Variants in FMN1 observed in about 807,000 individuals in gnomAD.
The protein encoded by FMN1 is formin 1.
Under a neutral mutation model 132.4 loss-of-function variants are expected in FMN1, and 110 were observed. The observed-to-expected ratio is 0.83, with a 90% CI of 0.71 to 0.97. The LOEUF (loss-of-function observed/expected upper bound fraction) is 0.97. Among genes scored for constraint, FMN1 ranks in the 50% least tolerant of loss-of-function variants. The probability of loss-of-function intolerance (pLI) is 0.00; values close to 1 mark genes in which losing one functional copy is unlikely to be tolerated. For missense variants in FMN1, 1,792 were observed against 1,705.3 expected, an observed-to-expected ratio of 1.05 and a Z score of -0.90; for synonymous variants, 722 against 651.7, an observed-to-expected ratio of 1.11 and a Z score of -1.64.
At chr15:32,941,964 G>C (rs1179944855) in intron 9 of FMN1, among the ~76,000 whole-genome samples, 1 of 152,224 alleles carries the variant, frequency 6.6e-6, no homozygotes, top group Non-Finnish European at 1.5e-5. Context: ...TATAATTACA[G>C]TCTGGAGGAG....
intron 4 of FMN1, among the ~76,000 whole-genome samples, chr15:33,098,319 T>C (rs944441318): frequency 2.6e-5 from 4 of 152,334 alleles, no homozygotes; most frequent in Middle Eastern, 3.4e-3. Context: ...GCATAACTGA[T>C]GCATGATTAA....
At chr15:32,989,624 G>C (rs533940400) in intron 7 of FMN1, among the ~76,000 whole-genome samples, 101 of 152,238 alleles carry the variant, frequency 6.6e-4, no homozygotes, top group Non-Finnish European at 1.1e-3. Context: ...TCAAGACTTT[G>C]AACTTAACTT....
Position 33,154,712 on chromosome 15 carries a change from T to C in FMN1, c.203A>G (p.Glu68Gly). ...CTTGAAAAATATGTCGCCTGGATGTTCGTCCGGCTCCTGGCTGAGGCTGAT... is the reference window on the plus strand; with the variant it reads ...CTTGAAAAATATGTCGCCTGGATGTCCGTCCGGCTCCTGGCTGAGGCTGAT... The part of the protein sequence containing the change: ...DIISLSQEPD[E>G]HPGDIFFKQT... Residue 68 changes from glutamate to glycine, a missense_variant, in exon 4 of 21, where the codon GAA becomes GGA. Transcript: ENST00000616417. 1 of 1,536,140 alleles carries C rather than the reference T, an allele frequency of 6.5e-7. No homozygotes were observed. The highest frequency in any genetic ancestry group is 8.7e-7 in the Non-Finnish European group (1 of 1,146,920).
intron 16 of FMN1, among the ~76,000 whole-genome samples, chr15:32,873,391 C>T (rs2059561819): frequency 6.6e-6 from 1 of 152,146 alleles, no homozygotes; most frequent in Non-Finnish European, 1.5e-5. Flanking sequence ...GTGGTATTAA[C>T]GGGAAGCCTC....
intron 9 of FMN1, among the ~76,000 whole-genome samples, chr15:32,934,598 C>CTTTTT (rs376553575): frequency 7.9e-6 from 1 of 127,126 alleles, no homozygotes; most frequent in Non-Finnish European, 1.7e-5. Context: ...AATTTTTTTC[C>CTTTTT]TTTTTTTTTT....
At chr15:33,016,157 G>A (rs2035033910) in intron 6 of FMN1, among the ~76,000 whole-genome samples, 1 of 152,134 alleles carries the variant, frequency 6.6e-6, no homozygotes, top group South Asian at 2.1e-4. Flanking sequence ...GTATAAATAT[G>A]TATCAAATTT....
At chr15:33,001,784 C>T (rs911376155) in intron 7 of FMN1, among the ~76,000 whole-genome samples, 5 of 149,128 alleles carry the variant, frequency 3.4e-5, no homozygotes, top group Admixed American at 6.7e-5. Flanking sequence ...CGGTGGTGCG[C>T]GCATGCAGCA....
chr15:32,908,595 A>C lies in FMN1; in HGVS notation c.3289-17T>G. 7.0e-7 allele frequency: 1 copy of C among 1,431,278 alleles called. No homozygotes were observed. Among genetic ancestry groups the C allele is most frequent in the Non-Finnish European group, 9.5e-7 (1 of 1,047,326 alleles). The allele number at this position is 1,431,278 out of a possible 1,614,324, so 88.7% of individuals were successfully genotyped here. On this transcript the variant is annotated splice_polypyrimidine_tract_variant and intron_variant, in intron 11 of 20. Coordinates refer to ENST00000616417, the MANE Select transcript of FMN1 (RefSeq NM_001277313.2). ...TTGGGCTCTCTGTATCAAAATAGAAAACAAAACCAAAAAAAAAAAAAAAAA... is the reference window on the plus strand; with the variant it reads ...TTGGGCTCTCTGTATCAAAATAGAACACAAAACCAAAAAAAAAAAAAAAAA...
At chr15:32,957,414 G>A (rs2029931444) in intron 9 of FMN1, among the ~76,000 whole-genome samples, 4 of 140,314 alleles carry the variant, frequency 2.9e-5, no homozygotes, top group Non-Finnish European at 6.1e-5. Context: ...AGGAACAAAT[G>A]TCACTTAGAG....
Position 33,192,709 on chromosome 15 carries a change from A to C in FMN1, c.-197+1200T>G, listed in dbSNP as rs138918819. 5.8e-3 allele frequency among the ~76,000 whole-genome samples: 880 copies of C among 152,312 alleles called. 4 individuals are homozygous for C. The highest frequency in any genetic ancestry group is 0.018 in the African/African-American group (747 of 41,562). On this transcript the variant is annotated intron_variant, in intron 2 of 20. Transcript: ENST00000616417. ...CATTTGCATCAGCTCTGACACCTAAAAAGGATAAAGACAATGGAAAAAAAT... is the reference window on the plus strand; with the variant it reads ...CATTTGCATCAGCTCTGACACCTAACAAGGATAAAGACAATGGAAAAAAAT...
chr15:33,103,227 G>C (rs1377396499), intron 4 of FMN1, among the ~76,000 whole-genome samples: 1 of 152,012 alleles, frequency 6.6e-6, no homozygotes, highest in African/African-American at 2.4e-5. Flanking sequence ...ATTGAGCTTA[G>C]CATAGACTCT....
chr15:33,120,297 G>A (rs765177691), intron 4 of FMN1, among the ~76,000 whole-genome samples: 5 of 152,198 alleles, frequency 3.3e-5, no homozygotes, highest in African/African-American at 1.2e-4. Flanking sequence ...AAAGATAGCA[G>A]ATGTGCTAAC....
chr15:32,860,727 A>C (rs1034139743), intron 16 of FMN1: 1 of 152,192 alleles, frequency 6.6e-6, no homozygotes, highest in Non-Finnish European at 1.5e-5. Flanking sequence ...CCAGAGATGC[A>C]ATGTGACTTG....
At chr15:32,828,530 T>C (rs1186180331) in intron 17 of FMN1, among the ~76,000 whole-genome samples, 3 of 152,152 alleles carry the variant, frequency 2.0e-5, no homozygotes, top group Non-Finnish European at 4.4e-5. Context: ...CACTGGGTTT[T>C]TGTAACAGTG....
intron 3 of FMN1, among the ~76,000 whole-genome samples, chr15:33,172,638 C>T (rs114242932): frequency 0.037 from 5,652 of 152,200 alleles, 148 homozygotes; most frequent in East Asian, 0.12. Flanking sequence ...GTAACTTCTG[C>T]CTCATAAGGT....
At chr15:33,119,278 C>T (rs1194097927) in intron 4 of FMN1, among the ~76,000 whole-genome samples, 2 of 152,140 alleles carry the variant, frequency 1.3e-5, no homozygotes, top group Admixed American at 6.5e-5. Flanking sequence ...CCTCCTGTGC[C>T]GGCACTTCCA....
At chr15:32,998,909 G>A (rs2033934081) in intron 7 of FMN1, among the ~76,000 whole-genome samples, 1 of 152,170 alleles carries the variant, frequency 6.6e-6, no homozygotes, top group East Asian at 1.9e-4. Context: ...TATCTTGAAG[G>A]CTGAGACAAA....
At chr15:32,899,880 T>C (rs780530469) in intron 14 of FMN1, 99 bp downstream of exon 14, 72 of 1,175,652 alleles carry the variant, frequency 6.1e-5, no homozygotes, top group Middle Eastern at 2.5e-4. Context: ...AAGGGGAGGA[T>C]AGAGATAAAT....
intron 2 of FMN1, among the ~76,000 whole-genome samples, chr15:33,191,157 G>C (rs557187814): frequency 7.0e-6 from 1 of 143,282 alleles, no homozygotes; most frequent in African/African-American, 2.5e-5. Context: ...GCAACAGAGC[G>C]AGACTCCATC....
Sources: allele counts gnomAD v4.1 joint callset (sites outside exome capture counted in the v4.1 genomes callset), GRCh38; gene constraint gnomAD v4.1.1; transcripts MANE v1.5; gene names NCBI Gene and HGNC (gene_info 2026-07-23, HGNC 2026-07-21).